The following CNTNAP2 variants were observed in gnomAD, a reference collection of about 807,000 sequenced individuals.
CNTNAP2 encodes contactin associated protein 2.
CNTNAP2 carries 98 observed loss-of-function variants against 155.2 expected under a neutral mutation model. That is an observed-to-expected ratio of 0.63 (90% confidence interval 0.54 to 0.75). The LOEUF (loss-of-function observed/expected upper bound fraction) is 0.75. Among genes scored for constraint, CNTNAP2 ranks in the 30% least tolerant of loss-of-function variants. CNTNAP2 has a pLI of 0.00. For missense variants in CNTNAP2, 1,727 were observed against 1,688.1 expected, an observed-to-expected ratio of 1.02 and a Z score of -0.40; for synonymous variants, 651 against 631.2, an observed-to-expected ratio of 1.03 and a Z score of -0.47.
chr7:147,010,339 A>G (rs993628778), intron 3 of CNTNAP2, among the ~76,000 whole-genome samples: 1 of 151,818 alleles, frequency 6.6e-6, no homozygotes, highest in Non-Finnish European at 1.5e-5. Context: ...ATCATTTTTG[A>G]TTAATGGATT....
intron 12 of CNTNAP2, among the ~76,000 whole-genome samples, chr7:147,588,527 C>T (rs1264903377): frequency 6.6e-6 from 1 of 152,176 alleles, no homozygotes; most frequent in Non-Finnish European, 1.5e-5. Context: ...CAAAAGAAGA[C>T]ATATTTCCCT....
chr7:148,348,945 A>G (rs1798370821), intron 21 of CNTNAP2, among the ~76,000 whole-genome samples: 1 of 152,120 alleles, frequency 6.6e-6, no homozygotes, highest in Non-Finnish European at 1.5e-5. Context: ...CCCCTCCACA[A>G]AGCATTTTTT....
intron 1 of CNTNAP2, among the ~76,000 whole-genome samples, chr7:146,205,717 A>G (rs1262350171): frequency 6.6e-6 from 1 of 151,964 alleles, no homozygotes; most frequent in Non-Finnish European, 1.5e-5. Context: ...ATCCGGCCAT[A>G]GGATATATAT....
intron 1 of CNTNAP2, among the ~76,000 whole-genome samples, chr7:146,164,906 C>T (rs573656962): frequency 7.2e-5 from 11 of 152,156 alleles, no homozygotes; most frequent in African/African-American, 2.6e-4. Context: ...GGAAGTTATT[C>T]GGAGTTTGAA....
intron 1 of CNTNAP2, among the ~76,000 whole-genome samples, chr7:146,476,828 G>A (rs922796331): frequency 2.0e-5 from 3 of 152,124 alleles, no homozygotes; most frequent in African/African-American, 7.2e-5. Context: ...ATTACTTGGC[G>A]AGTAGGGCTA....
intron 8 of CNTNAP2, among the ~76,000 whole-genome samples, chr7:147,248,595 T>G (rs1804118954): frequency 6.6e-6 from 1 of 152,234 alleles, no homozygotes; most frequent in Admixed American, 6.5e-5. Context: ...GTGGCTGTCA[T>G]GGCAGTTTGT....
intron 13 of CNTNAP2, among the ~76,000 whole-genome samples, chr7:147,727,621 G>A (rs1171437657): frequency 6.6e-6 from 1 of 151,876 alleles, no homozygotes; most frequent in Non-Finnish European, 1.5e-5. Flanking sequence ...AAACACTGAG[G>A]TAGAAATTAT....
At chr7:146,213,856 C>G (rs1282494150) in intron 1 of CNTNAP2, among the ~76,000 whole-genome samples, 1 of 152,140 alleles carries the variant, frequency 6.6e-6, no homozygotes, top group Non-Finnish European at 1.5e-5. Flanking sequence ...CCATGGAATT[C>G]AGAGGATTCG....
intron 8 of CNTNAP2, among the ~76,000 whole-genome samples, chr7:147,239,782 C>A (rs1422168972): frequency 1.3e-5 from 2 of 152,076 alleles, no homozygotes; most frequent in African/African-American, 4.8e-5. Flanking sequence ...ATACCGTATT[C>A]ATTTTATAGA....
Position 147,719,558 on chromosome 7 carries a change from G to A in CNTNAP2, c.2098+80252G>A, listed in dbSNP as rs552233017. ...TACAATAATAACAACAGCAACCACC[G>A]GAGCAAATTAAAATGTTTTACACTG... On this transcript the variant is annotated intron_variant, in intron 13 of 23. Coordinates refer to ENST00000361727, the MANE Select transcript of CNTNAP2 (RefSeq NM_014141.6). Among the ~76,000 whole-genome samples the A allele has an allele frequency of 3.3e-5, 5 of 151,948 alleles. No individual in the cohort carries two copies. The South Asian group carries it at 6.2e-4, about 19-fold the overall frequency.
At chr7:147,745,678 C>A (rs1430149632) in intron 13 of CNTNAP2, among the ~76,000 whole-genome samples, 4 of 152,094 alleles carry the variant, frequency 2.6e-5, no homozygotes, top group Non-Finnish European at 4.4e-5. Context: ...ATGAAGTCAG[C>A]ATTACTTGGT....
intron 3 of CNTNAP2, among the ~76,000 whole-genome samples, chr7:146,960,838 GC>G (rs1360685817): frequency 6.6e-6 from 1 of 151,856 alleles, no homozygotes; most frequent in Non-Finnish European, 1.5e-5. Flanking sequence ...TAAACATACT[GC>G]CCATGTAGGT....
chr7:146,541,172 A>G (rs942256369), intron 1 of CNTNAP2, among the ~76,000 whole-genome samples: 1 of 152,004 alleles, frequency 6.6e-6, no homozygotes, highest in Non-Finnish European at 1.5e-5. Context: ...TACAGAATTT[A>G]TTCTCTCAGG....
At chr7:146,868,882 C>A (rs938472812) in intron 3 of CNTNAP2, among the ~76,000 whole-genome samples, 1 of 150,688 alleles carries the variant, frequency 6.6e-6, no homozygotes, top group African/African-American at 2.5e-5. Flanking sequence ...TACAACTTTG[C>A]TGAAGTTGTT....
At chr7:146,149,790 AG>A (rs1269820469) in intron 1 of CNTNAP2, among the ~76,000 whole-genome samples, 4 of 151,350 alleles carry the variant, frequency 2.6e-5, no homozygotes, top group African/African-American at 4.8e-5. Context: ...TAAGCTCAAA[AG>A]TTTCTAGAAG....
At chr7:148,066,244 C>T (rs539090481) in intron 15 of CNTNAP2, among the ~76,000 whole-genome samples, 1 of 152,132 alleles carries the variant, frequency 6.6e-6, no homozygotes, top group Non-Finnish European at 1.5e-5. Flanking sequence ...CTTTAGATAA[C>T]CTAATGACTA....
intron 9 of CNTNAP2, among the ~76,000 whole-genome samples, chr7:147,323,744 A>G (rs1244542259): frequency 6.6e-6 from 1 of 152,322 alleles, no homozygotes; most frequent in South Asian, 2.1e-4. Flanking sequence ...CCATCATCCT[A>G]GCCTGAAGCT....
chr7:147,253,193 C>T (rs961859524), intron 8 of CNTNAP2, among the ~76,000 whole-genome samples: 9 of 152,126 alleles, frequency 5.9e-5, no homozygotes, highest in African/African-American at 1.9e-4. Context: ...TTACGGTCCT[C>T]GGTCTCTGGA....
intron 15 of CNTNAP2, among the ~76,000 whole-genome samples, chr7:148,076,357 C>T (rs1033852627): frequency 6.0e-5 from 9 of 149,258 alleles, no homozygotes; most frequent in South Asian, 2.1e-4. Context: ...AGAATGATCT[C>T]GCCCAAAATG....
Sources: allele counts gnomAD v4.1 joint callset (sites outside exome capture counted in the v4.1 genomes callset), GRCh38; gene constraint gnomAD v4.1.1; transcripts MANE v1.5; gene names NCBI Gene and HGNC (gene_info 2026-07-23, HGNC 2026-07-21).